The following WWOX variants were observed in gnomAD, a reference collection of about 807,000 sequenced individuals.
WWOX encodes the protein WW domain-containing oxidoreductase.
A neutral mutation model predicts 46.2 loss-of-function variants in WWOX; 69 were observed. The observed-to-expected ratio is 1.49, with a 90% CI of 1.23 to 1.82. The LOEUF is 1.82. Ranked by LOEUF, WWOX falls within the 40% of genes most tolerant of loss-of-function variation. The pLI, the probability that WWOX is intolerant of heterozygous loss-of-function variation, is 0.00. For missense variants in WWOX, 919 were observed against 542.6 expected (o/e 1.69, Z -6.89); for synonymous variants, 359 against 202.6 (o/e 1.77, Z -6.56).
chr16:78,421,986 T>C (rs1327292822), intron 6 of WWOX, among the ~76,000 whole-genome samples: 1 of 152,180 alleles, frequency 6.6e-6, no homozygotes, highest in Non-Finnish European at 1.5e-5. Context: ...TACAAGATAA[T>C]ACAAATATAA....
chr16:78,288,909 CAGA>C (rs1313364360), intron 5 of WWOX, among the ~76,000 whole-genome samples: 1 of 152,090 alleles, frequency 6.6e-6, no homozygotes, highest in Admixed American at 6.6e-5. Flanking sequence ...ATCCTGGGGG[CAGA>C]AGAACAACAA....
chr16:79,031,758 A>ATG (rs199947312), intron 8 of WWOX, among the ~76,000 whole-genome samples: 2,079 of 144,680 alleles, frequency 0.014, 25 homozygotes, highest in South Asian at 0.052. Flanking sequence ...TTCTTTCTAT[A>ATG]TATATATATA....
rs1421763465 is a variant in WWOX at position 78,345,169 on chromosome 16, G to T, written c.517-41691G>T. On this transcript the variant is annotated intron_variant, in intron 5 of 8. Transcript: ENST00000566780. ...ATCAGGTGGCTGAGGAGCAGTACAT[G>T]GGGGTATACAGAGTGCAGGCCTCAG... Among the ~76,000 whole-genome samples, 2 of 117,906 alleles carry T rather than the reference G, an allele frequency of 1.7e-5. 1 individual carries two copies. Among genetic ancestry groups the T allele is most frequent in the Non-Finnish European group, 4.0e-5 (2 of 49,754 alleles). 77.4% of individuals were successfully genotyped at this position (117,906 alleles called of 152,430 possible).
At chr16:78,782,322 C>T (rs943672650) in intron 8 of WWOX, among the ~76,000 whole-genome samples, 3 of 152,176 alleles carry the variant, frequency 2.0e-5, no homozygotes, top group South Asian at 2.1e-4. Context: ...GCTCCCTCTC[C>T]ATCCTCTCTG....
chr16:78,809,054 T>C (rs995470071), intron 8 of WWOX, among the ~76,000 whole-genome samples: 1 of 152,112 alleles, frequency 6.6e-6, no homozygotes, highest in African/African-American at 2.4e-5. Flanking sequence ...CTGCAGCTAA[T>C]GAGCTATGGG....
intron 8 of WWOX, among the ~76,000 whole-genome samples, chr16:78,729,707 C>T (rs748910046): frequency 3.3e-5 from 5 of 152,116 alleles, no homozygotes; most frequent in Non-Finnish European, 7.4e-5. Flanking sequence ...TGTAGGCACC[C>T]AGTTTGTGGT....
At chr16:79,006,850 T>G (rs748671192) in intron 8 of WWOX, among the ~76,000 whole-genome samples, 9 of 152,174 alleles carry the variant, frequency 5.9e-5, no homozygotes, top group Non-Finnish European at 1.3e-4. Context: ...CTTCTGGCTC[T>G]CTCTTCAGAT....
chr16:78,914,087 T>C (rs1405102165), intron 8 of WWOX, among the ~76,000 whole-genome samples: 2 of 152,090 alleles, frequency 1.3e-5, no homozygotes, highest in East Asian at 1.9e-4. Flanking sequence ...GACAGTATCA[T>C]TCTGATGTAG....
intron 8 of WWOX, among the ~76,000 whole-genome samples, chr16:78,743,798 A>G (rs995231063): frequency 1.3e-5 from 2 of 152,124 alleles, no homozygotes; most frequent in African/African-American, 2.4e-5. Flanking sequence ...TTCCACAACC[A>G]ATCTGACTGA....
intron 8 of WWOX, among the ~76,000 whole-genome samples, chr16:78,833,826 C>T (rs926699832): frequency 5.3e-5 from 8 of 152,232 alleles, no homozygotes; most frequent in Admixed American, 2.6e-4. Flanking sequence ...CAAGCAAGTG[C>T]AGGCTTCCAG....
At chr16:78,365,543 T>C (rs1715991936) in intron 5 of WWOX, among the ~76,000 whole-genome samples, 3 of 152,170 alleles carry the variant, frequency 2.0e-5, no homozygotes, top group Admixed American at 6.5e-5. Context: ...GGAAGGTCCA[T>C]ATGTGCTGTC....
At chr16:78,299,324 C>G (rs541114559) in intron 5 of WWOX, among the ~76,000 whole-genome samples, 3 of 152,104 alleles carry the variant, frequency 2.0e-5, no homozygotes, top group South Asian at 2.1e-4. Flanking sequence ...CCTTCAGAGT[C>G]TTTGGTATGC....
chr16:78,940,118 C>G (rs906169734), intron 8 of WWOX, among the ~76,000 whole-genome samples: 1 of 151,990 alleles, frequency 6.6e-6, no homozygotes, highest in African/African-American at 2.4e-5. Context: ...CAGGGTCTTC[C>G]GAGACTTGGG....
chr16:79,171,450 A>C (rs1201942604), intron 8 of WWOX, among the ~76,000 whole-genome samples: 2 of 152,168 alleles, frequency 1.3e-5, no homozygotes, highest in Non-Finnish European at 2.9e-5. Flanking sequence ...GTGGTTTATA[A>C]GAAGTTTTTT....
chr16:78,117,276 C>G (rs963922090), intron 4 of WWOX, among the ~76,000 whole-genome samples: 3 of 152,130 alleles, frequency 2.0e-5, no homozygotes, highest in African/African-American at 4.8e-5. Flanking sequence ...GCACAGATGT[C>G]GCACAAGGTC....
At chr16:78,453,768 C>A (rs369180477) in intron 8 of WWOX, among the ~76,000 whole-genome samples, 5 of 152,196 alleles carry the variant, frequency 3.3e-5, no homozygotes, top group African/African-American at 1.2e-4. Flanking sequence ...TACTTAGATC[C>A]AGTTTTTAAA....
intron 8 of WWOX, among the ~76,000 whole-genome samples, chr16:78,465,782 T>C (rs1473450649): frequency 6.6e-6 from 1 of 152,216 alleles, no homozygotes; most frequent in Non-Finnish European, 1.5e-5. Context: ...TTAAAATGTA[T>C]TCTGTGTTTC....
At chr16:79,081,547 A>C (rs1376758948) in intron 8 of WWOX, among the ~76,000 whole-genome samples, 1 of 151,934 alleles carries the variant, frequency 6.6e-6, no homozygotes, top group Non-Finnish European at 1.5e-5. Flanking sequence ...AACATTCTCA[A>C]CTCTGCTATC....
chr16:78,812,511 C>G (rs1281046939), intron 8 of WWOX, among the ~76,000 whole-genome samples: 2 of 152,004 alleles, frequency 1.3e-5, no homozygotes, highest in Non-Finnish European at 2.9e-5. Context: ...CACCTGAGGT[C>G]AGGAGTTCGA....
Sources: gnomAD v4.1 joint callset for allele counts (sites outside exome capture counted in the v4.1 genomes callset) on GRCh38, gnomAD v4.1.1 for gene constraint, MANE v1.5 for transcripts, NCBI Gene and HGNC (gene_info 2026-07-23, HGNC 2026-07-21) for gene names.